The following DNAJC1 variants were observed in gnomAD, a reference collection of about 807,000 sequenced individuals.
DNAJC1 encodes the protein dnaJ homolog subfamily C member 1.
DNAJC1 carries 58 observed loss-of-function variants against 76.6 expected under a neutral mutation model. The observed-to-expected ratio is 0.76, with a 90% confidence interval of 0.61 to 0.94. The LOEUF is 0.94. Among genes scored for constraint, DNAJC1 ranks in the 40% least tolerant of loss-of-function variants. The probability of loss-of-function intolerance (pLI) is 0.00; values close to 1 mark genes in which losing one functional copy is unlikely to be tolerated. For missense variants in DNAJC1, 689 were observed against 677.3 expected (o/e 1.02, Z -0.19); for synonymous variants, 258 against 267.9 (o/e 0.96, Z 0.36).
At chr10:21,826,448 A>C (rs554968428) in intron 8 of DNAJC1, among the ~76,000 whole-genome samples, 36 of 152,168 alleles carry the variant, frequency 2.4e-4, no homozygotes, top group African/African-American at 8.2e-4. Context: ...GAGCCACTGT[A>C]CCTGGCCCAT....
chr10:21,775,077 T>C (rs1834435868), intron 9 of DNAJC1, among the ~76,000 whole-genome samples: 1 of 152,174 alleles, frequency 6.6e-6, no homozygotes, highest in Non-Finnish European at 1.5e-5. Flanking sequence ...CCATCACACA[T>C]AATCTGAGTC....
At chr10:21,957,900 C>T (rs1021817503) in intron 1 of DNAJC1, among the ~76,000 whole-genome samples, 1 of 152,080 alleles carries the variant, frequency 6.6e-6, no homozygotes, top group African/African-American at 2.4e-5. Context: ...TGACGGCAAA[C>T]TTAATGTACT....
intron 8 of DNAJC1, among the ~76,000 whole-genome samples, chr10:21,866,608 C>T (rs1836005427): frequency 6.6e-6 from 1 of 152,082 alleles, no homozygotes; most frequent in African/African-American, 2.4e-5. Flanking sequence ...TTTAACATTT[C>T]TGGCTGTAGC....
chr10:21,992,917 C>T (rs1466395091), intron 1 of DNAJC1, among the ~76,000 whole-genome samples: 1 of 152,124 alleles, frequency 6.6e-6, no homozygotes, highest in African/African-American at 2.4e-5. Flanking sequence ...TTCTGACATC[C>T]AGGCTAAGTA....
intron 10 of DNAJC1, among the ~76,000 whole-genome samples, chr10:21,760,034 C>T (rs1834223102): frequency 1.3e-5 from 2 of 152,204 alleles, no homozygotes; most frequent in African/African-American, 4.8e-5. Flanking sequence ...AACTGTGCTG[C>T]CTCTGGAAGG....
chr10:21,995,900 C>T (rs983067223), intron 1 of DNAJC1, among the ~76,000 whole-genome samples: 6 of 152,028 alleles, frequency 3.9e-5, no homozygotes, highest in Admixed American at 6.6e-5. Flanking sequence ...CCTTATGACA[C>T]GCTTAGACAA....
At chr10:21,882,070 C>T (rs1353284216) in intron 8 of DNAJC1, among the ~76,000 whole-genome samples, 1 of 152,106 alleles carries the variant, frequency 6.6e-6, no homozygotes, top group African/African-American at 2.4e-5. Flanking sequence ...AGGCGAATGG[C>T]ATGAACCCGG....
At chr10:21,943,493 C>T (rs982256722) in intron 1 of DNAJC1, among the ~76,000 whole-genome samples, 1 of 152,156 alleles carries the variant, frequency 6.6e-6, no homozygotes, top group African/African-American at 2.4e-5. Flanking sequence ...ATAGCAATGT[C>T]AAATGAACTC....
chr10:21,809,260 T>A (rs562138543), intron 8 of DNAJC1, among the ~76,000 whole-genome samples: 192 of 152,108 alleles, frequency 1.3e-3, no homozygotes, highest in African/African-American at 3.9e-3. Context: ...TTAAAAAAAA[T>A]TTTTAATGTA....
intron 7 of DNAJC1, among the ~76,000 whole-genome samples, chr10:21,900,057 A>C (rs1191864374): frequency 1.3e-5 from 2 of 152,126 alleles, no homozygotes; most frequent in Non-Finnish European, 2.9e-5. Context: ...AATTTTCTTC[A>C]ATAGGCTGGG....
chr10:21,940,136 G>A (rs1189936747), intron 1 of DNAJC1, among the ~76,000 whole-genome samples: 1 of 151,798 alleles, frequency 6.6e-6, no homozygotes, highest in African/African-American at 2.4e-5. Context: ...TATACCAGAT[G>A]CATATAAAAT....
chr10:21,893,445 T>A (rs145294796), intron 7 of DNAJC1, among the ~76,000 whole-genome samples: 2 of 151,872 alleles, frequency 1.3e-5, no homozygotes, highest in East Asian at 2.0e-4. Flanking sequence ...TGGGCCAACA[T>A]GGTAAAACCT....
chr10:21,766,415 T>A (rs1364627244), intron 9 of DNAJC1, 106 bp from the exon 10 acceptor site: 1 of 839,420 alleles, frequency 1.2e-6, no homozygotes, highest in East Asian at 2.4e-5. Context: ...GTTCATTGGA[T>A]CTTAGGCCTG....
intron 10 of DNAJC1, among the ~76,000 whole-genome samples, chr10:21,765,443 T>C (rs1338335682): frequency 2.0e-5 from 3 of 152,166 alleles, no homozygotes; most frequent in Non-Finnish European, 4.4e-5. Flanking sequence ...GACCTGTATT[T>C]GAGTTAGGTT....
At chr10:21,849,319 A>AAAAAAAAAAAAAAAAAAAAAAAAAG (rs1835712833) in intron 8 of DNAJC1, among the ~76,000 whole-genome samples, 1 of 146,852 alleles carries the variant, frequency 6.8e-6, no homozygotes, top group Admixed American at 6.8e-5. Context: ...AAAAAAAAAA[A>AAAAAAAAAAAAAAAAAAAAAAAAAG]GTAAATGCCT....
chr10:21,984,010 G>C (rs751377950), intron 1 of DNAJC1, among the ~76,000 whole-genome samples: 12 of 152,094 alleles, frequency 7.9e-5, no homozygotes, highest in Non-Finnish European at 1.5e-4. Context: ...GGAGTCAAAA[G>C]AAATTTTAGG....
intron 8 of DNAJC1, among the ~76,000 whole-genome samples, chr10:21,875,525 G>T (rs1836172807): frequency 6.6e-6 from 1 of 152,190 alleles, no homozygotes; most frequent in Non-Finnish European, 1.5e-5. Flanking sequence ...TTGAGATTGG[G>T]AATGAAACAA....
At chr10:21,864,933 C>T (rs185562676) in intron 8 of DNAJC1, among the ~76,000 whole-genome samples, 1 of 152,132 alleles carries the variant, frequency 6.6e-6, no homozygotes, top group African/African-American at 2.4e-5. Flanking sequence ...TTTCATAAAA[C>T]ATGATATTCA....
At chr10:21,772,860 A>G (rs1834404500) in intron 9 of DNAJC1, among the ~76,000 whole-genome samples, 1 of 152,176 alleles carries the variant, frequency 6.6e-6, no homozygotes, top group Non-Finnish European at 1.5e-5. Flanking sequence ...GCGTGGCAGC[A>G]TCTGCTTGGC....
Sources: allele counts gnomAD v4.1 joint callset (sites outside exome capture counted in the v4.1 genomes callset), GRCh38; gene constraint gnomAD v4.1.1; transcripts MANE v1.5; gene names NCBI Gene and HGNC (gene_info 2026-07-23, HGNC 2026-07-21).